Variants in SUSD1 observed in about 807,000 individuals in gnomAD.
The protein encoded by SUSD1 is sushi domain containing 1.
In SUSD1, 65 loss-of-function variants were observed where a neutral mutation model predicts 86.9. The ratio of observed to expected loss-of-function variants is 0.75; its 90% confidence interval spans 0.61 to 0.92. SUSD1 has a LOEUF of 0.92. SUSD1 is among the 40% of genes least tolerant of loss of function. The pLI, the probability that SUSD1 is intolerant of heterozygous loss-of-function variation, is 0.00. For synonymous variants in SUSD1, 346 were observed against 350.0 expected (o/e 0.99, Z 0.13); for missense variants, 850 against 929.7 (o/e 0.91, Z 1.11).
intron 6 of SUSD1, among the ~76,000 whole-genome samples, chr9:112,121,634 T>G (rs1831559757): frequency 6.6e-6 from 1 of 152,230 alleles, no homozygotes; most frequent in South Asian, 2.1e-4. Flanking sequence ...ATGTCTTGTT[T>G]GCTCTGGCCA....
At chr9:112,103,052 C>A in intron 8 of SUSD1, 3 of 361,120 alleles carry the variant, frequency 8.3e-6, no homozygotes, top group Non-Finnish European at 1.7e-5. Flanking sequence ...GCAAATTTCC[C>A]AACAAACAAG....
intron 2 of SUSD1, among the ~76,000 whole-genome samples, chr9:112,154,061 A>C (rs1833183757): frequency 6.6e-6 from 1 of 152,174 alleles, no homozygotes; most frequent in Non-Finnish European, 1.5e-5. Context: ...GGAATTTTTC[A>C]GCTCCATTAT....
chr9:112,164,445 G>A (rs1246583588), intron 1 of SUSD1, among the ~76,000 whole-genome samples: 1 of 151,896 alleles, frequency 6.6e-6, no homozygotes, highest in East Asian at 1.9e-4. Flanking sequence ...ACCTCGGGAG[G>A]CTGAGGCAGG....
chr9:112,052,293 G>T, intron 15 of SUSD1, 106 bp downstream of exon 15: 1 of 1,599,078 alleles, frequency 6.3e-7, no homozygotes, highest in East Asian at 2.3e-5. Context: ...AGTATGAATT[G>T]GGTTCTGGTC....
At chr9:112,051,485 AC>A (rs1828208228) in intron 15 of SUSD1, among the ~76,000 whole-genome samples, 1 of 139,518 alleles carries the variant, frequency 7.2e-6, no homozygotes, top group Non-Finnish European at 1.5e-5. Context: ...AGGCTGGAGT[AC>A]AATGGCGCGA....
chr9:112,171,043 T>A (rs1273557953), intron 1 of SUSD1, among the ~76,000 whole-genome samples: 5 of 152,106 alleles, frequency 3.3e-5, no homozygotes, highest in Non-Finnish European at 5.9e-5. Context: ...TAACCCACAA[T>A]CTGCAGCAAT....
At position 112,124,350 on chromosome 9, in the gene SUSD1, C is replaced by T. The variant is rs1344798960; in HGVS notation, c.793G>A (p.Val265Ile). ...SSRLGGVARY[V>I]CQEGFESPGG... The stretch of plus-strand genomic sequence containing the variant: ...GGGCTCTCAAAGCCCTCTTGACAGA[C>T]ATAGCGAGCCACACCGCCCAGCCTG... The change falls in exon 6 of 17, where the codon GTC (valine) becomes ATC (isoleucine). Residue 265 changes from valine (V) to isoleucine (I), a missense_variant. Physicochemically the swap from Val to Ile is conservative, Grantham distance 29 (BLOSUM62 3). Coordinates refer to ENST00000374270, the MANE Select transcript of SUSD1 (RefSeq NM_022486.5). 1.9e-6 allele frequency: 3 copies of T among 1,614,182 alleles called. No homozygotes were observed. The East Asian group carries it at 6.7e-5, about 36-fold the overall frequency.
intron 5 of SUSD1, among the ~76,000 whole-genome samples, chr9:112,138,240 T>TATACAC (rs1832363430): frequency 4.0e-5 from 1 of 25,050 alleles, no homozygotes; most frequent in African/African-American, 1.5e-4. Flanking sequence ...AAAATGTGTA[T>TATACAC]ATATATATAT....
At chr9:112,102,143 T>C in intron 9 of SUSD1, 33 bp downstream of exon 9, 1 of 1,293,498 alleles carries the variant, frequency 7.7e-7, no homozygotes, top group Non-Finnish European at 1.1e-6. Flanking sequence ...AATGACACAA[T>C]TCTTTAATGG....
intron 12 of SUSD1, among the ~76,000 whole-genome samples, chr9:112,067,559 G>A (rs749468809): frequency 2.9e-4 from 44 of 152,240 alleles, no homozygotes; most frequent in Non-Finnish European, 4.9e-4. Flanking sequence ...AGTGAACACG[G>A]TAGGGAAGTG....
intron 12 of SUSD1, among the ~76,000 whole-genome samples, chr9:112,076,763 T>C (rs1273615271): frequency 2.0e-5 from 3 of 151,912 alleles, no homozygotes; most frequent in Admixed American, 6.6e-5. Flanking sequence ...TAAAAGTAGA[T>C]GGAGCTAGCA....
chr9:112,100,344 G>A (rs562570761), intron 9 of SUSD1, among the ~76,000 whole-genome samples: 14 of 151,884 alleles, frequency 9.2e-5, no homozygotes, highest in East Asian at 2.0e-4. Flanking sequence ...CCGCCACCAC[G>A]CCTGGCTAAT....
intron 8 of SUSD1, among the ~76,000 whole-genome samples, chr9:112,109,012 G>A (rs1830975935): frequency 6.6e-6 from 1 of 151,886 alleles, no homozygotes. Context: ...GAATAACCTG[G>A]GATTATATAA....
chr9:112,060,272 C>G (rs1204787337), intron 13 of SUSD1, among the ~76,000 whole-genome samples: 2 of 152,000 alleles, frequency 1.3e-5, no homozygotes, highest in East Asian at 3.9e-4. Flanking sequence ...CTTTTCTTTT[C>G]TTTTTTAAGA....
intron 10 of SUSD1, among the ~76,000 whole-genome samples, chr9:112,083,654 C>T (rs1287467198): frequency 6.6e-6 from 1 of 152,142 alleles, no homozygotes; most frequent in East Asian, 1.9e-4. Context: ...TTAATTGAGA[C>T]ATTCCTAAAA....
At chr9:112,119,641 A>G (rs1449764548) in intron 6 of SUSD1, among the ~76,000 whole-genome samples, 1 of 152,222 alleles carries the variant, frequency 6.6e-6, no homozygotes, top group Non-Finnish European at 1.5e-5. Context: ...AAGCCAGGGA[A>G]AGTCTTATCA....
intron 10 of SUSD1, among the ~76,000 whole-genome samples, chr9:112,086,820 T>A (rs1830003992): frequency 6.7e-6 from 1 of 149,228 alleles, no homozygotes; most frequent in African/African-American, 2.6e-5. Context: ...CCCAGTCTTA[T>A]CAAAACAAAC....
Position 112,102,169 on chromosome 9 carries a change from T to C in SUSD1, c.1281+7A>G. On this transcript the variant is annotated splice_region_variant and intron_variant, in intron 9 of 16. Coordinates refer to ENST00000374270, the MANE Select transcript of SUSD1 (RefSeq NM_022486.5). ...TCTTTAATGGAAAGCATAAGAGATCTCCTTACTTGGTACATGTGTTCTGAT... is the reference window on the plus strand; with the variant it reads ...TCTTTAATGGAAAGCATAAGAGATCCCCTTACTTGGTACATGTGTTCTGAT... The C allele has an allele frequency of 1.3e-6, 2 of 1,512,152 alleles. No individual in the cohort carries two copies. The highest frequency in any genetic ancestry group is 1.2e-5 in the South Asian group (1 of 80,852). The allele number at this position is 1,512,152 out of a possible 1,614,324, so 93.7% of individuals were successfully genotyped here.
At chr9:112,120,675 TTG>T (rs1196258988) in intron 6 of SUSD1, among the ~76,000 whole-genome samples, 1 of 152,216 alleles carries the variant, frequency 6.6e-6, no homozygotes, top group African/African-American at 2.4e-5. Flanking sequence ...GCCACAGACT[TTG>T]TGAAAGGTAG....
Sources: allele counts gnomAD v4.1 joint callset (sites outside exome capture counted in the v4.1 genomes callset), GRCh38; gene constraint gnomAD v4.1.1; transcripts MANE v1.5; gene names NCBI Gene and HGNC (gene_info 2026-07-23, HGNC 2026-07-21).